ACSL4: variants seen among roughly 807,000 people sequenced by gnomAD.
ACSL4 encodes long-chain-fatty-acid--CoA ligase 4.
In ACSL4, 9 loss-of-function variants were observed where a neutral mutation model predicts 49.1. That is an observed-to-expected ratio of 0.18 (90% CI 0.11 to 0.32). The LOEUF (loss-of-function observed/expected upper bound fraction) is 0.32. Ranked by LOEUF, ACSL4 falls within the 10% of genes least tolerant of loss-of-function variation. The pLI is 1.00. For synonymous variants in ACSL4, 191 were observed against 170.3 expected (o/e 1.12, Z -0.95); for missense variants, 333 against 493.7 (o/e 0.67, Z 3.08).
At chrX:109,665,306 G>T in intron 12 of ACSL4, 114 bp downstream of exon 12, 1 of 674,365 alleles carries the variant, frequency 1.5e-6, no homozygotes, top group Non-Finnish European at 2.4e-6. Context: ...ACAGGCAACA[G>T]CAAAACAGCA....
chrX:109,660,406 G>A (rs1922077163), intron 14 of ACSL4, among the ~76,000 whole-genome samples: 1 of 111,831 alleles, frequency 8.9e-6, no homozygotes, highest in Non-Finnish European at 1.9e-5. Context: ...TCACATCCAT[G>A]AGGATGACTA....
intron 2 of ACSL4, among the ~76,000 whole-genome samples, chrX:109,684,485 T>C (rs940813140): frequency 8.9e-6 from 1 of 112,094 alleles, no homozygotes; most frequent in African/African-American, 3.2e-5. Flanking sequence ...AAACTGCCCA[T>C]ATATAACACT....
rs758182661 is a variant in ACSL4, at chrX:109,646,190, G to A, written c.1856-2004C>T. On this transcript the variant is annotated intron_variant, in intron 15 of 15. Coordinates refer to ENST00000672401, the MANE Select transcript of ACSL4 (RefSeq NM_001318510.2). ...AGAGAATGCCACAAAGATACTCCTC[G>A]AGAAGAGCAACTCCAAGACACATAA... 5.1e-4 allele frequency among the ~76,000 whole-genome samples: 57 copies of A among 110,915 alleles called. 2 individuals are homozygous for A. The highest frequency in any genetic ancestry group is 1.1e-3 in the South Asian group (3 of 2,625).
At position 109,644,221 on chromosome X, in the gene ACSL4, A is replaced by AG. The variant is rs200742285; in HGVS notation, c.1856-36dup. ...GAAGTGAAAGATGGGAGAAAAGGAG[A>AG]GGGGGGGAAAGAGACGAGAAAGGAG... On this transcript the variant is annotated intron_variant, in intron 15 of 15. Coordinates refer to ENST00000672401, the MANE Select transcript of ACSL4 (RefSeq NM_001318510.2). The AG allele has an allele frequency of 7.3e-4, 843 of 1,160,651 alleles. 10 individuals are homozygous for AG. The African/African-American group carries it at 0.013, about 18-fold the overall frequency.
intron 2 of ACSL4, among the ~76,000 whole-genome samples, chrX:109,688,607 T>C (rs190918470): frequency 5.4e-4 from 60 of 111,475 alleles, no homozygotes; most frequent in Non-Finnish European, 9.8e-4. Context: ...TTATGTCTCC[T>C]ACCACTCTAT....
chrX:109,655,948 G>A (rs1921609283), intron 15 of ACSL4, among the ~76,000 whole-genome samples: 1 of 110,940 alleles, frequency 9.0e-6, no homozygotes, highest in South Asian at 3.8e-4. Context: ...ATTCAGACAC[G>A]CAAGCACAGT....
chrX:109,691,738 T>C (rs1297430339), intron 2 of ACSL4, among the ~76,000 whole-genome samples: 1 of 112,399 alleles, frequency 8.9e-6, no homozygotes, highest in Non-Finnish European at 1.9e-5. Context: ...ATGTAAAATA[T>C]ATGTATCATT....
chrX:109,722,525 C>T (rs1382918551), intron 1 of ACSL4, among the ~76,000 whole-genome samples: 1 of 111,533 alleles, frequency 9.0e-6, no homozygotes, highest in African/African-American at 3.3e-5. Flanking sequence ...TCAAACTCCA[C>T]CCAAAAAAAG....
chrX:109,659,644 G>A lies in ACSL4; in HGVS notation c.1698-133C>T, dbSNP rs1164239366. On this transcript the variant is annotated intron_variant, in intron 14 of 15. Coordinates refer to ENST00000672401, the MANE Select transcript of ACSL4 (RefSeq NM_001318510.2). ...ATTTATTAAAGTTTCATTAGGAAAT[G>A]ATAAAACCCATAGTACCAGCATAAA... 3 of 465,518 alleles carry A rather than the reference G, an allele frequency of 6.4e-6. No homozygotes were observed. The East Asian group carries it at 1.1e-4, about 18-fold the overall frequency. 38.4% of individuals were successfully genotyped at this position (465,518 alleles called of 1,213,427 possible).
intron 1 of ACSL4, among the ~76,000 whole-genome samples, chrX:109,705,119 TA>T (rs1926254796): frequency 8.9e-6 from 1 of 112,016 alleles, no homozygotes; most frequent in Admixed American, 9.5e-5. Flanking sequence ...AAAATGGTTT[TA>T]AAAAATGAGG....
intron 11 of ACSL4, among the ~76,000 whole-genome samples, chrX:109,667,499 C>A (rs1922767821): frequency 8.9e-6 from 1 of 112,558 alleles, no homozygotes; most frequent in African/African-American, 3.2e-5. Flanking sequence ...AAAAGTGATA[C>A]TTCATTTTTA....
intron 11 of ACSL4, among the ~76,000 whole-genome samples, chrX:109,667,411 C>T (rs1922754726): frequency 8.9e-6 from 1 of 112,415 alleles, no homozygotes; most frequent in Non-Finnish European, 1.9e-5. Context: ...TGGGAAACCT[C>T]GCTTCAGGCT....
Position 109,659,469 on chromosome X carries a change from T to C in ACSL4, c.1740A>G (p.Lys580=). Residue 580 remains lysine (K), a synonymous_variant, in exon 15 of 16, where the codon AAA becomes AAG. Coordinates refer to ENST00000672401, the MANE Select transcript of ACSL4 (RefSeq NM_001318510.2). The part of the protein sequence containing the change: ...YVISFVVPNQ[K]RLTLLAQQKG... ...TCTGTTGTGCCAAAAGTGTCAACCT[T>C]TTCTGGTTAGGAACCACAAAACTGA... is the stretch of plus-strand genomic sequence containing the variant. 8.3e-7 allele frequency: 1 copy of C among 1,206,798 alleles called. No individual in the cohort carries two copies. The highest frequency in any genetic ancestry group is 1.1e-6 in the Non-Finnish European group (1 of 891,336).
At chrX:109,690,777 A>G (rs971756642) in intron 2 of ACSL4, among the ~76,000 whole-genome samples, 20 of 108,607 alleles carry the variant, frequency 1.8e-4, no homozygotes, top group Non-Finnish European at 3.8e-4. Context: ...GGGCCTCTAT[A>G]GATGTCCAGT....
At chrX:109,719,259 C>T (rs1927365592) in intron 1 of ACSL4, among the ~76,000 whole-genome samples, 1 of 111,360 alleles carries the variant, frequency 9.0e-6, no homozygotes, top group African/African-American at 3.3e-5. Flanking sequence ...ACAAAAATGG[C>T]ATAGATGCAG....
chrX:109,681,344 T>C lies in ACSL4; in HGVS notation c.438A>G (p.Glu146=). The stretch of plus-strand genomic sequence containing the variant: ...ATTCATTTAGCCCATGAACTACTGC[T>C]TCTTTGCCAAGTGTGGCATATAAAG... ...LVTLYATLGK[E]AVVHGLNESE... Residue 146 remains glutamate (E), a synonymous_variant, in exon 5 of 16, where the codon GAA becomes GAG. Coordinates refer to ENST00000672401, the MANE Select transcript of ACSL4 (RefSeq NM_001318510.2). The C allele has an allele frequency of 8.3e-7, 1 of 1,209,441 alleles. No homozygotes were observed. The highest frequency in any genetic ancestry group is 1.8e-5 in the South Asian group (1 of 56,802).
intron 14 of ACSL4, among the ~76,000 whole-genome samples, 180 bp from the exon 15 acceptor site, chrX:109,659,691 A>G (rs1160132718): frequency 2.7e-5 from 3 of 111,619 alleles, no homozygotes; most frequent in Non-Finnish European, 5.7e-5. Context: ...AGACCAATGG[A>G]ATAGAGAAAC....
At chrX:109,706,803 G>A (rs1926383353) in intron 1 of ACSL4, among the ~76,000 whole-genome samples, 1 of 112,317 alleles carries the variant, frequency 8.9e-6, no homozygotes, top group Admixed American at 9.4e-5. Context: ...GAATTTACAA[G>A]GCATTCATTA....
At chrX:109,697,090 A>T (rs1603408578) in intron 1 of ACSL4, among the ~76,000 whole-genome samples, 1 of 112,448 alleles carries the variant, frequency 8.9e-6, no homozygotes, top group African/African-American at 3.2e-5. Context: ...AAAAGAAAAA[A>T]ATATATACAC....
Sources: allele counts gnomAD v4.1 joint callset (sites outside exome capture counted in the v4.1 genomes callset), GRCh38; gene constraint gnomAD v4.1.1; transcripts MANE v1.5; gene names NCBI Gene and HGNC (gene_info 2026-07-23, HGNC 2026-07-21).